The following PLXNA4 variants were observed in gnomAD, a reference collection of about 807,000 sequenced individuals.
PLXNA4 encodes plexin-A4.
A neutral mutation model predicts 191.8 loss-of-function variants in PLXNA4; 44 were observed. The observed-to-expected ratio is 0.23, with a 90% confidence interval of 0.18 to 0.29. The LOEUF is 0.29. Ranked by LOEUF, PLXNA4 falls within the 10% of genes least tolerant of loss-of-function variation. The pLI, the probability that PLXNA4 is intolerant of heterozygous loss-of-function variation, is 1.00. For synonymous variants in PLXNA4, 1,082 were observed against 1,009.5 expected (o/e 1.07, Z -1.36); for missense variants, 1,800 against 2,488.8 (o/e 0.72, Z 5.89).
intron 1 of PLXNA4, among the ~76,000 whole-genome samples, chr7:132,567,920 A>G (rs890419638): frequency 6.6e-6 from 1 of 152,232 alleles, no homozygotes; most frequent in Non-Finnish European, 1.5e-5. Flanking sequence ...TCTCTAGGTC[A>G]GTGATTTGCT....
At chr7:132,611,524 T>A (rs1418207414) in intron 2 of PLXNA4, among the ~76,000 whole-genome samples, 1 of 152,150 alleles carries the variant, frequency 6.6e-6, no homozygotes, top group African/African-American at 2.4e-5. Flanking sequence ...CCAAGAAAGA[T>A]CAGAGGGCAG....
intron 2 of PLXNA4, among the ~76,000 whole-genome samples, chr7:132,505,063 G>A (rs556378162): frequency 1.3e-5 from 2 of 152,212 alleles, no homozygotes; most frequent in Non-Finnish European, 2.9e-5. Flanking sequence ...TGGCTGGAGA[G>A]ACAGCCCCAG....
chr7:132,381,019 C>T (rs1804873202), intron 3 of PLXNA4, among the ~76,000 whole-genome samples: 1 of 152,244 alleles, frequency 6.6e-6, no homozygotes, highest in Admixed American at 6.5e-5. Flanking sequence ...TGAAACGGAT[C>T]TGAATCTGTT....
intron 30 of PLXNA4, among the ~76,000 whole-genome samples, chr7:132,140,255 G>C (rs1297265712): frequency 6.6e-6 from 1 of 152,206 alleles, no homozygotes; most frequent in African/African-American, 2.4e-5. Flanking sequence ...GAAGTGTTAT[G>C]ATGACAGTTT....
chr7:132,320,645 A>G (rs1802124331), intron 3 of PLXNA4, among the ~76,000 whole-genome samples: 1 of 151,994 alleles, frequency 6.6e-6, no homozygotes. Context: ...CCAAGCACTG[A>G]ATGACCTTTC....
chr7:132,528,413 C>T (rs1294549407), intron 1 of PLXNA4, among the ~76,000 whole-genome samples: 2 of 152,216 alleles, frequency 1.3e-5, no homozygotes, highest in Non-Finnish European at 2.9e-5. Context: ...ACCCTCCACA[C>T]ATGGCCGCAC....
At chr7:132,145,332 T>C (rs772603074) in intron 28 of PLXNA4, 44 bp from the exon 29 acceptor site, 6 of 1,608,374 alleles carry the variant, frequency 3.7e-6, no homozygotes, top group Non-Finnish European at 5.1e-6. Flanking sequence ...ACTCACGTAG[T>C]TCTGAGGATG....
chr7:132,344,512 C>T (rs1305087504), intron 3 of PLXNA4, among the ~76,000 whole-genome samples: 2 of 152,158 alleles, frequency 1.3e-5, no homozygotes, highest in Non-Finnish European at 2.9e-5. Context: ...TGCCTACTTC[C>T]TGCACCCAGA....
intron 1 of PLXNA4, among the ~76,000 whole-genome samples, chr7:132,573,929 G>A (rs1241952889): frequency 1.3e-5 from 2 of 152,284 alleles, no homozygotes; most frequent in East Asian, 3.9e-4. Flanking sequence ...AGACCTCAGA[G>A]AACTTAAAAG....
At chr7:132,296,799 A>G (rs756088882) in intron 4 of PLXNA4, among the ~76,000 whole-genome samples, 8 of 152,024 alleles carry the variant, frequency 5.3e-5, no homozygotes, top group Admixed American at 1.3e-4. Flanking sequence ...AGGAATGCAG[A>G]CAAATGGGAA....
chr7:132,391,729 G>A (rs767823902), intron 3 of PLXNA4, among the ~76,000 whole-genome samples: 3 of 152,128 alleles, frequency 2.0e-5, no homozygotes, highest in South Asian at 4.2e-4. Context: ...GTCTCCTGCC[G>A]GGGTCCTCAC....
chr7:132,227,036 T>G (rs1050834283), intron 7 of PLXNA4, among the ~76,000 whole-genome samples: 3 of 151,768 alleles, frequency 2.0e-5, no homozygotes, highest in Non-Finnish European at 2.9e-5. Context: ...TAGGGCAGAG[T>G]TGGGGAGGCA....
chr7:132,153,829 A>C (rs1795714274), intron 25 of PLXNA4, among the ~76,000 whole-genome samples: 1 of 152,180 alleles, frequency 6.6e-6, no homozygotes, highest in Non-Finnish European at 1.5e-5. Flanking sequence ...GCACCCACAC[A>C]TGTACACACA....
chr7:132,518,759 G>A (rs1799048004), intron 1 of PLXNA4, among the ~76,000 whole-genome samples: 1 of 152,188 alleles, frequency 6.6e-6, no homozygotes, highest in Non-Finnish European at 1.5e-5. Flanking sequence ...GCAGGAGGCT[G>A]AGCCTGTGAG....
chr7:132,258,514 A>G (rs1799511861), intron 4 of PLXNA4, among the ~76,000 whole-genome samples: 1 of 152,190 alleles, frequency 6.6e-6, no homozygotes, highest in African/African-American at 2.4e-5. Context: ...TGTGTTCTCA[A>G]TGACTCCAGG....
intron 1 of PLXNA4, among the ~76,000 whole-genome samples, chr7:132,520,927 A>G (rs1056460887): frequency 5.3e-5 from 8 of 151,934 alleles, no homozygotes; most frequent in African/African-American, 1.5e-4. Context: ...GTTGTCACCA[A>G]CATCTAGTGG....
chr7:132,318,057 A>G (rs532699762), intron 3 of PLXNA4, among the ~76,000 whole-genome samples: 2 of 152,306 alleles, frequency 1.3e-5, no homozygotes, highest in South Asian at 4.1e-4. Flanking sequence ...AAGAAACTCA[A>G]TCCCAAGTGG....
At chr7:132,387,448 T>C (rs1163492463) in intron 3 of PLXNA4, among the ~76,000 whole-genome samples, 2 of 152,238 alleles carry the variant, frequency 1.3e-5, no homozygotes, top group African/African-American at 4.8e-5. Context: ...GAGGGGGATG[T>C]AAAAATTGGC....
At chr7:132,163,442 G>C (rs1796008618) in intron 24 of PLXNA4, among the ~76,000 whole-genome samples, 1 of 152,216 alleles carries the variant, frequency 6.6e-6, no homozygotes, top group Non-Finnish European at 1.5e-5. Flanking sequence ...CAGATAAAGA[G>C]ACCCAAATTC....
Sources: gnomAD v4.1 joint callset for allele counts (sites outside exome capture counted in the v4.1 genomes callset) on GRCh38, gnomAD v4.1.1 for gene constraint, MANE v1.5 for transcripts, NCBI Gene and HGNC (gene_info 2026-07-23, HGNC 2026-07-21) for gene names.